KAT2B: variants seen among roughly 807,000 people sequenced by gnomAD.
KAT2B encodes the protein lysine acetyltransferase 2B, also known as histone acetyltransferase KAT2B.
KAT2B carries 36 observed loss-of-function variants against 105.9 expected under a neutral mutation model. The observed-to-expected ratio is 0.34, with a 90% confidence interval of 0.26 to 0.45. KAT2B has a LOEUF of 0.45. KAT2B is among the 20% of genes least tolerant of loss of function. The pLI is 1.00. For synonymous variants in KAT2B, 397 were observed against 377.9 expected (o/e 1.05, Z -0.59); for missense variants, 820 against 1,021.6 (o/e 0.80, Z 2.69).
At chr3:20,088,122 A>G (rs1698653077) in intron 2 of KAT2B, among the ~76,000 whole-genome samples, 2 of 152,184 alleles carry the variant, frequency 1.3e-5, no homozygotes, top group Non-Finnish European at 2.9e-5. Flanking sequence ...TTGTGTTCAT[A>G]TACTACATTC....
At chr3:20,095,491 GCTTT>G in intron 3 of KAT2B, 83 bp downstream of exon 3, 1 of 863,014 alleles carries the variant, frequency 1.2e-6, no homozygotes, top group Non-Finnish European at 1.8e-6. Context: ...GGCTGTGAAG[GCTTT>G]CAGCTCCTGG....
At chr3:20,151,931 TAAATG>T (rs1316334476) in intron 17 of KAT2B, among the ~76,000 whole-genome samples, 1 of 152,138 alleles carries the variant, frequency 6.6e-6, no homozygotes, top group Non-Finnish European at 1.5e-5. Flanking sequence ...TTTAAGTAAT[TAAATG>T]ATTGAATACA....
intron 9 of KAT2B, among the ~76,000 whole-genome samples, chr3:20,124,264 A>G (rs1699360618): frequency 6.6e-6 from 1 of 152,070 alleles, no homozygotes. Context: ...GAGACTGGGT[A>G]ATTTATTTTT....
chr3:20,144,786 ATTTC>A (rs1230659276), intron 13 of KAT2B, among the ~76,000 whole-genome samples: 3 of 149,832 alleles, frequency 2.0e-5, no homozygotes, highest in African/African-American at 7.4e-5. Context: ...TCTGATTTTC[ATTTC>A]TTTCTTTTTC....
chr3:20,072,167 A>T lies in KAT2B; in HGVS notation c.304-166A>T, dbSNP rs565944884. Among the ~76,000 whole-genome samples, 3 of 152,332 alleles carry T rather than the reference A, an allele frequency of 2.0e-5. No homozygotes were observed. The South Asian group carries it at 6.2e-4, about 32-fold the overall frequency. On this transcript the variant is annotated intron_variant, in intron 1 of 17. Transcript: ENST00000263754. ...ACAAAAAGCAAAGCACTCAAATCAA[A>T]TACCACCTTTGGGTTTTCTGTTTTT...
intron 1 of KAT2B, among the ~76,000 whole-genome samples, chr3:20,069,509 TTTTTC>T (rs71853298): frequency 0.45 from 62,848 of 140,596 alleles, 14,474 homozygotes; most frequent in East Asian, 0.72. Context: ...AGAGCTTTTC[TTTTTC>T]TTTTCTTTTC....
chr3:20,085,150 G>C (rs1698590082), intron 2 of KAT2B, among the ~76,000 whole-genome samples: 1 of 152,138 alleles, frequency 6.6e-6, no homozygotes, highest in East Asian at 1.9e-4. Flanking sequence ...AGGTGTTTGA[G>C]ACTAGCCTGG....
chr3:20,122,348 C>G (rs1699325447), intron 8 of KAT2B, among the ~76,000 whole-genome samples: 1 of 152,190 alleles, frequency 6.6e-6, no homozygotes, highest in Non-Finnish European at 1.5e-5. Context: ...CTTGAAGAGA[C>G]TATATTAGAG....
chr3:20,140,236 A>G lies in KAT2B; in HGVS notation c.1876A>G (p.Ile626Val). The change falls in exon 13 of 18, where the codon ATT becomes GTT. Residue 626 changes from isoleucine (I) to valine (V), a missense_variant. Transcript: ENST00000263754. ...TGCTTTTCAGGGTTTCTCCAAAGAA[A>G]TTAAAATACCTAAAACCAAATATGT... ...YFKKQGFSKE[I>V]KIPKTKYVGY... 1 of 1,606,284 alleles carries G rather than the reference A, an allele frequency of 6.2e-7. No individual in the cohort carries two copies. Among genetic ancestry groups the G allele is most frequent in the Non-Finnish European group, 8.5e-7 (1 of 1,173,026 alleles).
At chr3:20,098,198 C>G (rs1377241067) in intron 3 of KAT2B, among the ~76,000 whole-genome samples, 1 of 151,346 alleles carries the variant, frequency 6.6e-6, no homozygotes, top group Non-Finnish European at 1.5e-5. Flanking sequence ...CCACTGCACT[C>G]CAACCTGGCC....
intron 2 of KAT2B, among the ~76,000 whole-genome samples, chr3:20,091,859 C>T (rs986526739): frequency 2.0e-5 from 3 of 151,988 alleles, no homozygotes; most frequent in African/African-American, 7.3e-5. Flanking sequence ...CGGTTTTTGC[C>T]ATTGAAAGGA....
chr3:20,100,627 T>G (rs1272167824), intron 4 of KAT2B, among the ~76,000 whole-genome samples: 1 of 152,204 alleles, frequency 6.6e-6, no homozygotes, highest in Non-Finnish European at 1.5e-5. Flanking sequence ...TGCATTTTTA[T>G]CAGTCAGTTT....
chr3:20,058,117 G>GTT (rs1216887892), intron 1 of KAT2B, among the ~76,000 whole-genome samples: 1 of 151,998 alleles, frequency 6.6e-6, no homozygotes. Flanking sequence ...TTTAATATTT[G>GTT]TTTTTTTGAT....
At chr3:20,069,824 C>T (rs1256694909) in intron 1 of KAT2B, among the ~76,000 whole-genome samples, 4 of 152,162 alleles carry the variant, frequency 2.6e-5, no homozygotes, top group Non-Finnish European at 4.4e-5. Context: ...CCACTGCGCC[C>T]GGCCAAGCTT....
At position 20,148,411 on chromosome 3, in the gene KAT2B, A is replaced by C; in HGVS notation, c.2229A>C (p.Gln743His). The C allele has an allele frequency of 6.2e-7, 1 of 1,610,856 alleles. No homozygotes were observed. The highest frequency in any genetic ancestry group is 1.1e-5 in the South Asian group (1 of 90,626). The change falls in exon 17 of 18, where the codon CAA (glutamine) becomes CAC (histidine). Residue 743 changes from glutamine (Q) to histidine (H), a missense_variant. Physicochemically the swap from Gln to His is conservative, Grantham distance 24. This residue lies in a region of KAT2B where 227 missense variants were observed against 292.9 expected (regional missense o/e 0.77). Coordinates refer to ENST00000263754, the MANE Select transcript of KAT2B (RefSeq NM_003884.5). ...TTTTTTCTTTACCCAAGAGCCATCA[A>C]AGCGCTTGGCCCTTCATGGAACCTG... ...KSILQQVKSHQSAWPFMEPVK... is the reference protein window; with the variant it reads ...KSILQQVKSHHSAWPFMEPVK...
intron 1 of KAT2B, among the ~76,000 whole-genome samples, chr3:20,045,729 G>A (rs6773122): frequency 0.042 from 6,444 of 152,268 alleles, 441 homozygotes; most frequent in African/African-American, 0.14. Context: ...TCAGAGTTCA[G>A]GCTAATCTGA....
At chr3:20,123,286 T>G (rs575891961) in intron 9 of KAT2B, among the ~76,000 whole-genome samples, 4 of 152,342 alleles carry the variant, frequency 2.6e-5, no homozygotes, top group African/African-American at 9.6e-5. Flanking sequence ...TATTTTTGCA[T>G]GTACTGTATC....
At chr3:20,125,869 G>A (rs1327354947) in intron 9 of KAT2B, 36 bp from the exon 10 acceptor site, 1 of 1,537,816 alleles carries the variant, frequency 6.5e-7, no homozygotes, top group Non-Finnish European at 9.0e-7. Context: ...TGAGAGAATA[G>A]CTCTGTGTAA....
chr3:20,147,919 C>T (rs778120598), intron 14 of KAT2B, 44 bp from the exon 15 acceptor site: 1 of 1,591,402 alleles, frequency 6.3e-7, no homozygotes, highest in Non-Finnish European at 8.6e-7. Flanking sequence ...ATTCTCTTGA[C>T]CAAAAGCACT....
Sources: allele counts gnomAD v4.1 joint callset (sites outside exome capture counted in the v4.1 genomes callset), GRCh38; gene constraint gnomAD v4.1.1; regional missense constraint gnomAD v4.1.1; transcripts MANE v1.5; gene names NCBI Gene and HGNC (gene_info 2026-07-23, HGNC 2026-07-21).